GMDS: variants seen among roughly 807,000 people sequenced by gnomAD.
GMDS encodes the protein GDP-mannose 4,6 dehydratase.
A neutral mutation model predicts 49.9 loss-of-function variants in GMDS; 20 were observed. The observed-to-expected ratio is 0.40, with a 90% confidence interval of 0.28 to 0.58. The LOEUF (loss-of-function observed/expected upper bound fraction) is 0.58. Ranked by LOEUF, GMDS falls within the 20% of genes least tolerant of loss-of-function variation. The pLI is 0.42. For missense variants in GMDS, 362 were observed against 481.4 expected, an observed-to-expected ratio of 0.75 and a Z score of 2.32; for synonymous variants, 177 against 178.6, an observed-to-expected ratio of 0.99 and a Z score of 0.07.
intron 4 of GMDS, among the ~76,000 whole-genome samples, chr6:2,036,396 T>C (rs1769308494): frequency 6.6e-6 from 1 of 152,152 alleles, no homozygotes; most frequent in East Asian, 1.9e-4. Flanking sequence ...GATTCATTAA[T>C]AGGTTTGCTA....
At chr6:2,084,421 T>C (rs1339186945) in intron 4 of GMDS, among the ~76,000 whole-genome samples, 4 of 152,198 alleles carry the variant, frequency 2.6e-5, no homozygotes, top group Non-Finnish European at 5.9e-5. Flanking sequence ...CTTTCCAATC[T>C]CTAAAATAGC....
intron 7 of GMDS, among the ~76,000 whole-genome samples, chr6:1,797,078 G>A (rs1769767251): frequency 6.6e-6 from 1 of 152,216 alleles, no homozygotes. Flanking sequence ...CGCAAAGCAG[G>A]AGGTGAGCAG....
chr6:2,109,798 G>A (rs1774443495), intron 4 of GMDS, among the ~76,000 whole-genome samples: 1 of 152,234 alleles, frequency 6.6e-6, no homozygotes, highest in Non-Finnish European at 1.5e-5. Flanking sequence ...GTAAAGGGCC[G>A]ATGGCTGTAT....
intron 1 of GMDS, among the ~76,000 whole-genome samples, chr6:2,204,018 A>C (rs1281808850): frequency 6.6e-6 from 1 of 152,212 alleles, no homozygotes; most frequent in Non-Finnish European, 1.5e-5. Context: ...AATTTTCTTA[A>C]TTTGGGTGAC....
intron 7 of GMDS, among the ~76,000 whole-genome samples, chr6:1,789,140 C>T (rs935515632): frequency 6.6e-6 from 1 of 152,204 alleles, no homozygotes; most frequent in Non-Finnish European, 1.5e-5. Flanking sequence ...CAGCAGGGGA[C>T]GGTCTGGAAG....
chr6:2,172,165 T>C (rs1403046869), intron 1 of GMDS, among the ~76,000 whole-genome samples: 4 of 152,114 alleles, frequency 2.6e-5, no homozygotes, highest in African/African-American at 9.7e-5. Context: ...CATAAATGAA[T>C]TGACCTCCCC....
chr6:2,025,357 GGTGTGTGTGTGTGTGTGTGT>G (rs200096039), intron 4 of GMDS, among the ~76,000 whole-genome samples: 93 of 136,660 alleles, frequency 6.8e-4, no homozygotes, highest in Admixed American at 1.8e-3. Context: ...CTGATGGTGG[GGTGTGTGTGTGTGTGTGTGT>G]GTGTGTGTGT....
intron 6 of GMDS, among the ~76,000 whole-genome samples, chr6:1,948,380 G>C (rs1763186635): frequency 6.6e-6 from 1 of 152,074 alleles, no homozygotes; most frequent in African/African-American, 2.4e-5. Context: ...TGTAATTTTT[G>C]TTAGTCTAGT....
At chr6:2,212,961 TCTTTTA>T (rs1780142141) in intron 1 of GMDS, among the ~76,000 whole-genome samples, 1 of 152,342 alleles carries the variant, frequency 6.6e-6, no homozygotes, top group East Asian at 1.9e-4. Flanking sequence ...CCCATGGCAT[TCTTTTA>T]CTTAACTTGT....
chr6:1,983,677 A>G (rs567968844), intron 4 of GMDS, among the ~76,000 whole-genome samples: 1 of 152,342 alleles, frequency 6.6e-6, no homozygotes, highest in East Asian at 1.9e-4. Flanking sequence ...ATGAGATACC[A>G]TCTCATGCCA....
At chr6:1,928,580 G>GA (rs1384714475) in intron 7 of GMDS, among the ~76,000 whole-genome samples, 1 of 152,150 alleles carries the variant, frequency 6.6e-6, no homozygotes, top group African/African-American at 2.4e-5. Context: ...TTCTAAGCGT[G>GA]AACCTATATA....
At chr6:2,154,352 C>T (rs1431917842) in intron 1 of GMDS, among the ~76,000 whole-genome samples, 1 of 151,990 alleles carries the variant, frequency 6.6e-6, no homozygotes, top group Admixed American at 6.6e-5. Flanking sequence ...AAATTCTATC[C>T]AACAGCAAAA....
intron 1 of GMDS, among the ~76,000 whole-genome samples, chr6:2,188,642 T>C (rs968134294): frequency 3.3e-5 from 5 of 152,224 alleles, no homozygotes; most frequent in East Asian, 1.9e-4. Context: ...GATATCAAGA[T>C]GACAAGTCTT....
intron 4 of GMDS, among the ~76,000 whole-genome samples, chr6:2,096,692 G>GA (rs1462026927): frequency 2.0e-5 from 3 of 151,994 alleles, no homozygotes; most frequent in East Asian, 3.9e-4. Context: ...AAAGCAAATA[G>GA]AAAAAAACAA....
intron 4 of GMDS, among the ~76,000 whole-genome samples, chr6:2,091,473 C>T (rs1773307745): frequency 6.6e-6 from 1 of 152,160 alleles, no homozygotes; most frequent in Non-Finnish European, 1.5e-5. Flanking sequence ...CAGACTCATA[C>T]TTTTAGTCTG....
At chr6:1,769,486 G>A (rs1768492114) in intron 7 of GMDS, among the ~76,000 whole-genome samples, 1 of 152,206 alleles carries the variant, frequency 6.6e-6, no homozygotes, top group South Asian at 2.1e-4. Context: ...GTAATTCCCT[G>A]CCTTCCCTTT....
At chr6:1,902,461 CA>C (rs1760547148) in intron 7 of GMDS, among the ~76,000 whole-genome samples, 2 of 152,080 alleles carry the variant, frequency 1.3e-5, no homozygotes, top group South Asian at 4.1e-4. Flanking sequence ...CCTTAAAAAA[CA>C]AAGTATCATG....
chr6:1,980,277 G>T (rs1429445085), intron 4 of GMDS, among the ~76,000 whole-genome samples: 2 of 152,114 alleles, frequency 1.3e-5, no homozygotes, highest in East Asian at 1.9e-4. Flanking sequence ...AGACCCATTG[G>T]TATGCTGTGT....
intron 4 of GMDS, among the ~76,000 whole-genome samples, chr6:2,020,582 T>C (rs1331924894): frequency 1.3e-5 from 2 of 152,048 alleles, no homozygotes; most frequent in Non-Finnish European, 2.9e-5. Flanking sequence ...CTTTAATACA[T>C]CATGAGAAAA....
Sources: gnomAD v4.1 joint callset for allele counts (sites outside exome capture counted in the v4.1 genomes callset) on GRCh38, gnomAD v4.1.1 for gene constraint, MANE v1.5 for transcripts, NCBI Gene and HGNC (gene_info 2026-07-23, HGNC 2026-07-21) for gene names.